The following TRIM23 variants were observed in gnomAD, a reference collection of about 807,000 sequenced individuals.
TRIM23 encodes the protein E3 ubiquitin-protein ligase TRIM23.
A neutral mutation model predicts 71.0 loss-of-function variants in TRIM23; 27 were observed. The ratio of observed to expected loss-of-function variants is 0.38; its 90% CI spans 0.28 to 0.52. The LOEUF (loss-of-function observed/expected upper bound fraction) is 0.52. Among genes scored for constraint, TRIM23 ranks in the 20% least tolerant of loss-of-function variants. The pLI is 0.84. For synonymous variants in TRIM23, 234 were observed against 238.0 expected (o/e 0.98, Z 0.16); for missense variants, 482 against 692.3 (o/e 0.70, Z 3.41).
At position 65,591,926 on chromosome 5, in the gene TRIM23, A is replaced by G; in HGVS notation, c.1568T>C (p.Val523Ala). 3.7e-6 allele frequency: 6 copies of G among 1,613,676 alleles called. No individual in the cohort carries two copies. Among genetic ancestry groups the G allele is most frequent in the Non-Finnish European group, 5.1e-6 (6 of 1,179,758 alleles). The change falls in exon 11 of 11, where the codon GTA (valine) becomes GCA (alanine). Residue 523 changes from valine (V) to alanine (A), a missense_variant. Transcript: ENST00000231524. ...ACTGAGTAGTTCAGTGATTTCTTCTACTGACAGTGCTCCAGCAACATCCTG... is the reference window on the plus strand; with the variant it reads ...ACTGAGTAGTTCAGTGATTTCTTCTGCTGACAGTGCTCCAGCAACATCCTG... Reference protein sequence around the residue: ...NKQDVAGALSVEEITELLSLH... With the variant: ...NKQDVAGALSAEEITELLSLH...
At position 65,624,289 on chromosome 5, in the gene TRIM23, C is replaced by A. The variant is rs201904539; in HGVS notation, c.-15G>T. 3.6e-5 allele frequency: 58 copies of A among 1,613,502 alleles called. No individual in the cohort carries two copies. The East Asian group carries it at 8.5e-4, about 24-fold the overall frequency. ...AGGGTAGCCATCCTCGCAGGGGAAG[C>A]GCCACAGAAACAGCCTTCAGAGTCC... On this transcript the variant is annotated 5_prime_UTR_variant, in exon 1 of 11. Coordinates refer to ENST00000231524, the MANE Select transcript of TRIM23 (RefSeq NM_001656.4).
chr5:65,603,766 C>A (rs375211913), intron 7 of TRIM23, among the ~76,000 whole-genome samples: 1 of 152,114 alleles, frequency 6.6e-6, no homozygotes, highest in Non-Finnish European at 1.5e-5. Context: ...GGAGAACCCA[C>A]TTTAAAAGAG....
chr5:65,618,588 G>T (rs943028037), intron 1 of TRIM23, among the ~76,000 whole-genome samples: 1 of 152,098 alleles, frequency 6.6e-6, no homozygotes, highest in Non-Finnish European at 1.5e-5. Flanking sequence ...TACTGAAGGT[G>T]GGTTCTTAAG....
chr5:65,603,901 T>C (rs1337971857), intron 7 of TRIM23, among the ~76,000 whole-genome samples: 2 of 151,968 alleles, frequency 1.3e-5, no homozygotes, highest in East Asian at 3.9e-4. Flanking sequence ...AAGTTGATAA[T>C]ATTAGTGAAA....
At chr5:65,592,235 T>C (rs1421463164) in intron 10 of TRIM23, among the ~76,000 whole-genome samples, 1 of 152,152 alleles carries the variant, frequency 6.6e-6, no homozygotes, top group East Asian at 1.9e-4. Context: ...AGTAATTTTT[T>C]TATCTTTTGA....
rs886220980 is a variant in TRIM23, at chr5:65,621,820, TTTA to T, written c.81+2371_81+2373del. 1.8e-4 allele frequency among the ~76,000 whole-genome samples: 28 copies of T among 151,600 alleles called. 1 individual carries two copies. Among genetic ancestry groups the T allele is most frequent in the African/African-American group, 6.0e-4 (25 of 41,328 alleles). On this transcript the variant is annotated intron_variant, in intron 1 of 10. Coordinates refer to ENST00000231524, the MANE Select transcript of TRIM23 (RefSeq NM_001656.4). ...TCAGATATTTTATTTTATGTTGTTA[TTTA>T]TTATTATTATTATTTTTTTTTTGAG...
At chr5:65,608,081 G>A (rs1045943988) in intron 6 of TRIM23, among the ~76,000 whole-genome samples, 1 of 152,160 alleles carries the variant, frequency 6.6e-6, no homozygotes, top group Non-Finnish European at 1.5e-5. Flanking sequence ...AGGTATTAAG[G>A]AGGTAGCAAT....
At chr5:65,592,546 A>C (rs1005226368) in intron 10 of TRIM23, among the ~76,000 whole-genome samples, 1 of 151,734 alleles carries the variant, frequency 6.6e-6, no homozygotes, top group Admixed American at 6.6e-5. Flanking sequence ...GTAAGGCATC[A>C]ACTTAAAAAA....
At position 65,591,674 on chromosome 5, in the gene TRIM23, A is replaced by G. The variant is rs543719525; in HGVS notation, c.*95T>C. ...ATATATATATATATATATGCATCCTAAATTACCATCTTTTGAGATGTATAA... is the reference window on the plus strand; with the variant it reads ...ATATATATATATATATATGCATCCTGAATTACCATCTTTTGAGATGTATAA... On this transcript the variant is annotated 3_prime_UTR_variant, in exon 11 of 11. Transcript: ENST00000231524. 7.2e-5 allele frequency: 69 copies of G among 952,464 alleles called. No homozygotes were observed. In the Middle Eastern group the frequency reaches 1.5e-3, roughly 21 times the overall value. 59.0% of individuals were successfully genotyped at this position (952,464 alleles called of 1,614,324 possible).
chr5:65,616,825 G>A (rs1471429934), intron 2 of TRIM23, among the ~76,000 whole-genome samples: 11 of 151,684 alleles, frequency 7.3e-5, no homozygotes, highest in East Asian at 3.9e-4. Flanking sequence ...AGGCTCAAGC[G>A]ATTCTCCTGC....
chr5:65,616,959 T>C (rs1226480770), intron 2 of TRIM23, among the ~76,000 whole-genome samples: 18 of 152,160 alleles, frequency 1.2e-4, no homozygotes, highest in Admixed American at 1.2e-3. Context: ...TGACTTCAGG[T>C]GATCCACCCA....
intron 10 of TRIM23, 72 bp downstream of exon 10, chr5:65,594,449 G>T: frequency 1.3e-6 from 2 of 1,502,216 alleles, no homozygotes; most frequent in Non-Finnish European, 9.0e-7. Context: ...ATTGTCTTCT[G>T]AAATATTTCC....
chr5:65,593,164 G>C lies in TRIM23; in HGVS notation c.1546-1216C>G, dbSNP rs142574943. The stretch of plus-strand genomic sequence containing the variant: ...CCACGAACAGTGTTGACCAGGCGCA[G>C]TGACTCACACCTGTAATCCCAGCAC... On this transcript the variant is annotated intron_variant, in intron 10 of 10. Transcript: ENST00000231524. Among the ~76,000 whole-genome samples the C allele has an allele frequency of 3.7e-3, 566 of 152,316 alleles. 2 individuals are homozygous for C. The highest frequency in any genetic ancestry group is 0.013 in the African/African-American group (524 of 41,554).
At position 65,591,505 on chromosome 5, in the gene TRIM23, TAAATAAC is replaced by T. The variant is rs1043265230; in HGVS notation, c.*257_*263del. The T allele has an allele frequency of 9.6e-6, 15 of 1,565,794 alleles. No individual in the cohort carries two copies. The highest frequency in any genetic ancestry group is 9.3e-5 in the East Asian group (4 of 43,194). On this transcript the variant is annotated 3_prime_UTR_variant, in exon 11 of 11. Transcript: ENST00000231524. The stretch of plus-strand genomic sequence containing the variant: ...TTGGTCACATATTATCTGAAAAACT[TAAATAAC>T]AAATATACTTTTTAAAAGAATGTAT...
rs914527305 is a variant in TRIM23, at chr5:65,604,151, C to T, written c.1179+760G>A. Among the ~76,000 whole-genome samples the T allele has an allele frequency of 4.6e-5, 7 of 152,082 alleles. 1 individual carries two copies. The highest frequency in any genetic ancestry group is 8.8e-5 in the Non-Finnish European group (6 of 68,018). On this transcript the variant is annotated intron_variant, in intron 7 of 10. Transcript: ENST00000231524. ...TGCTCTTGTTACCCAGGCTGAAGTG[C>T]AGTGGCGTGATCTCAGCTCACTGTA...
intron 6 of TRIM23, among the ~76,000 whole-genome samples, chr5:65,605,591 T>G (rs165980): frequency 0.24 from 36,998 of 152,048 alleles, 4,869 homozygotes; most frequent in Non-Finnish European, 0.3. Flanking sequence ...CTATGTTCTA[T>G]GTCTATAAAA....
chr5:65,614,300 T>C, intron 2 of TRIM23, 81 bp from the exon 3 acceptor site: 3 of 1,374,108 alleles, frequency 2.2e-6, no homozygotes, highest in Non-Finnish European at 3.1e-6. Context: ...AAGTAATTTC[T>C]AATATAGTTC....
In TRIM23 at chr5:65,591,733, T is replaced by C; in HGVS notation, c.*36A>G. On this transcript the variant is annotated 3_prime_UTR_variant, in exon 11 of 11. Transcript: ENST00000231524. ...AACATACTATGTGCAAAGTTACTTTTAACCACAAAACTTCAAACAACTGCT... is the reference window on the plus strand; with the variant it reads ...AACATACTATGTGCAAAGTTACTTTCAACCACAAAACTTCAAACAACTGCT... 1 of 1,579,408 alleles carries C rather than the reference T, an allele frequency of 6.3e-7. No homozygotes were observed. Among genetic ancestry groups the C allele is most frequent in the Non-Finnish European group, 8.6e-7 (1 of 1,160,366 alleles).
chr5:65,606,929 A>G (rs1754522569), intron 6 of TRIM23: 1 of 152,238 alleles, frequency 6.6e-6, no homozygotes, highest in Non-Finnish European at 1.5e-5. Context: ...CTAATTTCAC[A>G]AGATTATGGC....
Sources: gnomAD v4.1 joint callset for allele counts (sites outside exome capture counted in the v4.1 genomes callset) on GRCh38, gnomAD v4.1.1 for gene constraint, MANE v1.5 for transcripts, NCBI Gene and HGNC (gene_info 2026-07-23, HGNC 2026-07-21) for gene names.